PCDHGA11: variants seen among roughly 807,000 people sequenced by gnomAD.
The protein encoded by PCDHGA11 is protocadherin gamma subfamily A, 11.
PCDHGA11 carries 39 observed loss-of-function variants against 60.4 expected under a neutral mutation model. The observed-to-expected ratio is 0.65, with a 90% confidence interval of 0.50 to 0.84. The LOEUF (loss-of-function observed/expected upper bound fraction) is 0.84, where lower values mean the gene tolerates loss of function less well. PCDHGA11 is among the 40% of genes least tolerant of loss of function. PCDHGA11 has a pLI of 0.00. For synonymous variants in PCDHGA11, 533 were observed against 510.3 expected, an observed-to-expected ratio of 1.04 and a Z score of -0.60; for missense variants, 1,165 against 1,197.7, an observed-to-expected ratio of 0.97 and a Z score of 0.40.
chr5:141,457,054 T>C (rs1410535170), intron 1 of PCDHGA11, among the ~76,000 whole-genome samples: 1 of 152,242 alleles, frequency 6.6e-6, no homozygotes, highest in Non-Finnish European at 1.5e-5. Context: ...ACTTTCATGC[T>C]TCCTTTTTGC....
intron 1 of PCDHGA11, among the ~76,000 whole-genome samples, chr5:141,439,689 A>G (rs1193986599): frequency 6.6e-6 from 1 of 152,218 alleles, no homozygotes; most frequent in Non-Finnish European, 1.5e-5. Flanking sequence ...CAGACCCACA[A>G]CATTCCTATT....
Position 141,432,029 on chromosome 5 carries a change from G to A in PCDHGA11, c.2433+8369G>A. 6.2e-7 allele frequency: 1 copy of A among 1,614,178 alleles called. No individual in the cohort carries two copies. Among genetic ancestry groups the A allele is most frequent in the South Asian group, 1.1e-5 (1 of 91,086 alleles). ...TCCTAGCTACAACATCACAGTGACC[G>A]CCACTGACCGGGGAACCCCGCCCCT... On this transcript the variant is annotated intron_variant, in intron 1 of 3. Coordinates refer to ENST00000398587, the MANE Select transcript of PCDHGA11 (RefSeq NM_018914.3). This position sits in a 1 kb window ranked among gnomAD's most constrained non-coding sequence, Gnocchi z 6.0.
In PCDHGA11 at chr5:141,504,261, A is replaced by AT. The variant is rs144925096; in HGVS notation, c.2493-1125dup. Among the ~76,000 whole-genome samples the AT allele has an allele frequency of 3.8e-3, 573 of 152,258 alleles. 3 individuals are homozygous for AT. The highest frequency in any genetic ancestry group is 0.012 in the African/African-American group (514 of 41,556). ...CAGAGAGTTCTTCTTATGGTTTAGT[A>AT]TTTTTTTAAATTATGAATCATTTCA... On this transcript the variant is annotated intron_variant, in intron 2 of 3. Transcript: ENST00000398587.
Position 141,431,706 on chromosome 5 carries a change from A to T in PCDHGA11, c.2433+8046A>T. The T allele has an allele frequency of 6.2e-7, 1 of 1,614,248 alleles. No homozygotes were observed. The highest frequency in any genetic ancestry group is 8.5e-7 in the Non-Finnish European group (1 of 1,180,048). On this transcript the variant is annotated intron_variant, in intron 1 of 3. Coordinates refer to ENST00000398587, the MANE Select transcript of PCDHGA11 (RefSeq NM_018914.3). The surrounding 1 kb of genome is among the most constrained non-coding windows in gnomAD (Gnocchi z 4.8). ...GACCACGAGGAGTCAGGATTCTACC[A>T]GATGGAAGTGCAAGCAATGGATAAT...
At chr5:141,495,814 T>C (rs2099764028) in intron 2 of PCDHGA11, among the ~76,000 whole-genome samples, 1 of 152,134 alleles carries the variant, frequency 6.6e-6, no homozygotes, top group Non-Finnish European at 1.5e-5. Context: ...TCCTAGCGCC[T>C]TGTGTTCTTC....
intron 1 of PCDHGA11, 90 bp downstream of exon 1, chr5:141,423,750 TGGGGGG>T: frequency 3.5e-6 from 1 of 287,482 alleles, no homozygotes; most frequent in Non-Finnish European, 4.5e-6. Flanking sequence ...GAAAACTGTT[TGGGGGG>T]GGGGTGGGGC....
chr5:141,500,234 A>T (rs2099798212), intron 2 of PCDHGA11, among the ~76,000 whole-genome samples: 1 of 148,996 alleles, frequency 6.7e-6, no homozygotes, highest in Non-Finnish European at 1.5e-5. Context: ...ATTGATACGT[A>T]GCCTTGCTCT....
chr5:141,476,642 C>T lies in PCDHGA11; in HGVS notation c.2434-18165C>T. On this transcript the variant is annotated intron_variant, in intron 1 of 3. Transcript: ENST00000398587. This position sits in a 1 kb window ranked among gnomAD's most constrained non-coding sequence, Gnocchi z 7.6. The stretch of plus-strand genomic sequence containing the variant: ...CTCTTTACAAACCTATGAGCTGAGC[C>T]GAAATGAATACTTTGCGCTTCGCGT... The T allele has an allele frequency of 1.9e-6, 3 of 1,614,240 alleles. No individual in the cohort carries two copies. The highest frequency in any genetic ancestry group is 2.5e-6 in the Non-Finnish European group (3 of 1,180,050).
chr5:141,509,115 G>C (rs1480955058), intron 3 of PCDHGA11, among the ~76,000 whole-genome samples: 1 of 152,186 alleles, frequency 6.6e-6, no homozygotes, highest in Non-Finnish European at 1.5e-5. Flanking sequence ...GAGCGCTGGT[G>C]CGTGAAGAGA....
intron 1 of PCDHGA11, among the ~76,000 whole-genome samples, chr5:141,426,006 G>C (rs1013613474): frequency 2.0e-5 from 3 of 152,104 alleles, no homozygotes; most frequent in African/African-American, 7.2e-5. Flanking sequence ...AAGGCTTCCG[G>C]CTGCAGTTTT....
At position 141,461,300 on chromosome 5, in the gene PCDHGA11, A is replaced by G. The variant is rs889981233; in HGVS notation, c.2434-33507A>G. Among the ~76,000 whole-genome samples, 10 of 152,106 alleles carry G rather than the reference A, an allele frequency of 6.6e-5. No individual in the cohort carries two copies. In the East Asian group the frequency reaches 1.4e-3, roughly 21 times the overall value. On this transcript the variant is annotated intron_variant, in intron 1 of 3. Transcript: ENST00000398587. The stretch of plus-strand genomic sequence containing the variant: ...TTTCCCCACATCCACACCAACATCT[A>G]TTGTTTTTTGACTTTTTAATAATGG...
chr5:141,489,951 T>C lies in PCDHGA11; in HGVS notation c.2434-4856T>C. On this transcript the variant is annotated intron_variant, in intron 1 of 3. Coordinates refer to ENST00000398587, the MANE Select transcript of PCDHGA11 (RefSeq NM_018914.3). The surrounding 1 kb of genome is among the most constrained non-coding windows in gnomAD (Gnocchi z 4.5). ...CTGTCATCGTGCTGGACATCAATGATAATGCTCCAACCTTCCAATCCTCAG... is the reference window on the plus strand; with the variant it reads ...CTGTCATCGTGCTGGACATCAATGACAATGCTCCAACCTTCCAATCCTCAG... 6.2e-7 allele frequency: 1 copy of C among 1,614,210 alleles called. No homozygotes were observed. Among genetic ancestry groups the C allele is most frequent in the Non-Finnish European group, 8.5e-7 (1 of 1,180,032 alleles).
chr5:141,507,578 C>T (rs1268451710), intron 3 of PCDHGA11, among the ~76,000 whole-genome samples: 1 of 152,220 alleles, frequency 6.6e-6, no homozygotes, highest in East Asian at 1.9e-4. Context: ...GAGGAGATGC[C>T]AAGTTGGCCT....
At chr5:141,453,185 C>T (rs2098757478) in intron 1 of PCDHGA11, among the ~76,000 whole-genome samples, 1 of 152,146 alleles carries the variant, frequency 6.6e-6, no homozygotes, top group South Asian at 2.1e-4. Flanking sequence ...ACAATCACAG[C>T]TCACTGCAGC....
intron 2 of PCDHGA11, among the ~76,000 whole-genome samples, chr5:141,496,827 C>A (rs1595415247): frequency 6.6e-6 from 1 of 151,780 alleles, no homozygotes; most frequent in East Asian, 1.9e-4. Context: ...TAGATGTGAT[C>A]CCAGAACTCA....
In PCDHGA11 at chr5:141,477,247, T is replaced by C; in HGVS notation, c.2434-17560T>C. On this transcript the variant is annotated intron_variant, in intron 1 of 3. Transcript: ENST00000398587. This position sits in a 1 kb window ranked among gnomAD's most constrained non-coding sequence, Gnocchi z 4.9. ...CTGTCATCGCTTTGCTCAGTGTGAC[T>C]GACCTGGATGCTGGCGAGAACGGGC... The C allele has an allele frequency of 6.2e-7, 1 of 1,614,208 alleles. No individual in the cohort carries two copies. Among genetic ancestry groups the C allele is most frequent in the Non-Finnish European group, 8.5e-7 (1 of 1,180,040 alleles).
chr5:141,486,170 C>T lies in PCDHGA11; in HGVS notation c.2434-8637C>T, dbSNP rs759946548. The stretch of plus-strand genomic sequence containing the variant: ...TGGGGGTTCTCCAGCCATGGAGCAA[C>T]ATTGCAGCCTTCGAGTGGATCTGCT... On this transcript the variant is annotated intron_variant, in intron 1 of 3. Coordinates refer to ENST00000398587, the MANE Select transcript of PCDHGA11 (RefSeq NM_018914.3). This position sits in a 1 kb window ranked among gnomAD's most constrained non-coding sequence, Gnocchi z 5.0. The T allele has an allele frequency of 1.5e-5, 24 of 1,614,116 alleles. No individual in the cohort carries two copies. Among genetic ancestry groups the T allele is most frequent in the South Asian group, 4.4e-5 (4 of 91,090 alleles).
intron 1 of PCDHGA11, among the ~76,000 whole-genome samples, chr5:141,483,997 T>G (rs2099590025): frequency 8.6e-5 from 6 of 69,516 alleles, no homozygotes; most frequent in East Asian, 4.4e-4. Context: ...TGCTGGGAGG[T>G]CTGGATGAGG....
intron 1 of PCDHGA11, among the ~76,000 whole-genome samples, chr5:141,453,176 C>T (rs1225418058): frequency 6.6e-6 from 1 of 152,042 alleles, no homozygotes; most frequent in Non-Finnish European, 1.5e-5. Flanking sequence ...TCCAGTGGTA[C>T]AATCACAGCT....
Sources: allele counts gnomAD v4.1 joint callset (sites outside exome capture counted in the v4.1 genomes callset), GRCh38; gene constraint gnomAD v4.1.1; non-coding constraint Gnocchi (gnomAD v3.1); transcripts MANE v1.5; gene names NCBI Gene and HGNC (gene_info 2026-07-23, HGNC 2026-07-21).